Variants in SRSF7 observed in about 807,000 individuals in gnomAD.
SRSF7 encodes serine and arginine rich splicing factor 7.
SRSF7 carries 15 observed loss-of-function variants against 42.2 expected under a neutral mutation model. The ratio of observed to expected loss-of-function variants is 0.36; its 90% CI spans 0.24 to 0.55. SRSF7 has a LOEUF of 0.55. Among genes scored for constraint, SRSF7 ranks in the 20% least tolerant of loss-of-function variants. SRSF7 has a pLI of 0.88. For synonymous variants in SRSF7, 138 were observed against 107.9 expected (o/e 1.28, Z -1.73); for missense variants, 181 against 305.9 (o/e 0.59, Z 3.04).
chr2:38,745,464 G>A (rs1022891221), intron 7 of SRSF7, among the ~76,000 whole-genome samples: 11 of 151,582 alleles, frequency 7.3e-5, no homozygotes, highest in African/African-American at 2.4e-4. Context: ...GACCAACCTC[G>A]CCAACATGGT....
At chr2:38,747,852 C>A (rs1398626063) in intron 5 of SRSF7, among the ~76,000 whole-genome samples, 195 bp downstream of exon 5, 1 of 152,200 alleles carries the variant, frequency 6.6e-6, no homozygotes, top group African/African-American at 2.4e-5. Flanking sequence ...GCCTAACAAG[C>A]CTTAAAATCT....
rs774609170 is a variant in SRSF7 at position 38,747,088 on chromosome 2, T to A, written c.573-341A>T. The A allele has an allele frequency of 4.5e-5, 22 of 488,892 alleles. 1 individual carries two copies. Among genetic ancestry groups the A allele is most frequent in the South Asian group, 3.4e-4 (22 of 64,736 alleles). 30.3% of individuals were successfully genotyped at this position (488,892 alleles called of 1,614,324 possible). ...TCACTTAAGGCACAGATCCCTCAGC[T>A]GGGCACTGTGGTACACAATGGCAGT... is the stretch of plus-strand genomic sequence containing the variant. On this transcript the variant is annotated intron_variant, in intron 5 of 7. Coordinates refer to ENST00000313117, the MANE Select transcript of SRSF7 (RefSeq NM_001031684.3).
Position 38,746,629 on chromosome 2 carries a change from C to T in SRSF7, c.626+65G>A, listed in dbSNP as rs551074822. On this transcript the variant is annotated intron_variant, in intron 6 of 7. Coordinates refer to ENST00000313117, the MANE Select transcript of SRSF7 (RefSeq NM_001031684.3). Reference sequence around the variant, plus strand: ...CACTTAAAATTTCAACAATTAAAAACACTTTGAACTCTTTGGATATTGGTG... The same window carrying T: ...CACTTAAAATTTCAACAATTAAAAATACTTTGAACTCTTTGGATATTGGTG... The T allele has an allele frequency of 6.9e-6, 11 of 1,597,898 alleles. No homozygotes were observed. The African/African-American group carries it at 1.5e-4, about 22-fold the overall frequency.
intron 7 of SRSF7, 148 bp from the exon 8 acceptor site, chr2:38,745,335 T>C (rs1667204037): frequency 2.5e-6 from 2 of 810,828 alleles, no homozygotes; most frequent in Admixed American, 5.0e-5. Context: ...TTACATATAT[T>C]CATCTTTTGT....
chr2:38,750,517 G>A (rs575603447), intron 1 of SRSF7, among the ~76,000 whole-genome samples: 1 of 151,634 alleles, frequency 6.6e-6, no homozygotes, highest in East Asian at 2.0e-4. Flanking sequence ...CGGGCGCACC[G>A]GGAGCGCGCG....
intron 1 of SRSF7, chr2:38,750,927 G>T (rs994221776): frequency 1.0e-5 from 4 of 384,322 alleles, no homozygotes; most frequent in Non-Finnish European, 2.0e-5. Flanking sequence ...CGAGGGCGGG[G>T]GGGGAGGGGG....
At chr2:38,749,343 A>T in intron 3 of SRSF7, 186 bp downstream of exon 3, 1 of 1,534,044 alleles carries the variant, frequency 6.5e-7, no homozygotes, top group Non-Finnish European at 8.8e-7. Context: ...TCAAACGAAG[A>T]AACCTGAAAG....
chr2:38,745,294 C>T (rs1667199187), intron 7 of SRSF7, 107 bp from the exon 8 acceptor site: 3 of 1,147,156 alleles, frequency 2.6e-6, no homozygotes. Context: ...TACTAATTTC[C>T]TATAGCAAAG....
chr2:38,749,434 T>A (rs759652576), intron 3 of SRSF7, 95 bp downstream of exon 3: 226 of 1,558,432 alleles, frequency 1.5e-4, no homozygotes, highest in Non-Finnish European at 1.7e-4. Context: ...ACAATTAACA[T>A]TCAAGTTTAT....
At chr2:38,746,275 T>A in intron 6 of SRSF7, 96 bp from the exon 7 acceptor site, 1 of 1,385,610 alleles carries the variant, frequency 7.2e-7, no homozygotes, top group Non-Finnish European at 1.0e-6. Context: ...GTCCTAAGCT[T>A]AAAATGTCAG....
intron 7 of SRSF7, among the ~76,000 whole-genome samples, chr2:38,745,822 TC>T (rs922643607): frequency 3.9e-5 from 6 of 152,190 alleles, no homozygotes; most frequent in African/African-American, 1.4e-4. Flanking sequence ...GGTAACTATT[TC>T]CAAGACTTTT....
Position 38,746,747 on chromosome 2 carries a change from T to C in SRSF7, c.573A>G (p.Gln191=). 1.2e-6 allele frequency: 2 copies of C among 1,613,360 alleles called. No individual in the cohort carries two copies. Among genetic ancestry groups the C allele is most frequent in the Admixed American group, 1.7e-5 (1 of 59,864 alleles). ...SGSIKGSRYF[Q]SPSRSRSRSR... Reference sequence around the variant, plus strand: ...ATCTTGATCTTGACCTCGACGGGGATCTTAATAAAAAAAGTGAAAAACACA... The same window carrying C: ...ATCTTGATCTTGACCTCGACGGGGACCTTAATAAAAAAAGTGAAAAACACA... Residue 191 remains glutamine (Q), a splice_region_variant and synonymous_variant, in exon 6 of 8, where the codon CAA becomes CAG. Coordinates refer to ENST00000313117, the MANE Select transcript of SRSF7 (RefSeq NM_001031684.3).
chr2:38,743,620 A>T lies in SRSF7; in HGVS notation c.*1513T>A, dbSNP rs1476105652. On this transcript the variant is annotated 3_prime_UTR_variant, in exon 8 of 8. Transcript: ENST00000313117. ...AGGATTATTTGTTCAATCTCTGCAGATTTATTGTTGAGTAAACTTATCTTT... is the reference window on the plus strand; with the variant it reads ...AGGATTATTTGTTCAATCTCTGCAGTTTTATTGTTGAGTAAACTTATCTTT... 6.6e-6 allele frequency: 1 copy of T among 152,634 alleles called. No individual in the cohort carries two copies. Among genetic ancestry groups the T allele is most frequent in the South Asian group, 2.1e-4 (1 of 4,836 alleles). The allele number at this position is 152,634 out of a possible 1,614,324, so 9.5% of individuals were successfully genotyped here.
Position 38,748,523 on chromosome 2 carries a change from G to T in SRSF7, c.461+56C>A. Reference sequence around the variant, plus strand: ...AAAATAATGAGCTTTTTCTGTGTTGGACTACCAGTGAATTTAATAATAATA... The same window carrying T: ...AAAATAATGAGCTTTTTCTGTGTTGTACTACCAGTGAATTTAATAATAATA... On this transcript the variant is annotated intron_variant, in intron 4 of 7. Transcript: ENST00000313117. 3 of 1,541,002 alleles carry T rather than the reference G, an allele frequency of 1.9e-6. No homozygotes were observed. The South Asian group carries it at 3.3e-5, about 17-fold the overall frequency.
intron 1 of SRSF7, among the ~76,000 whole-genome samples, chr2:38,750,440 C>T (rs1668122405): frequency 6.6e-6 from 1 of 151,886 alleles, no homozygotes; most frequent in Non-Finnish European, 1.5e-5. Flanking sequence ...AGCAGAAACG[C>T]GTGGTAGGAT....
chr2:38,749,738 T>TA (rs1667995766), intron 2 of SRSF7, 33 bp from the exon 3 acceptor site: 1 of 1,504,596 alleles, frequency 6.6e-7, no homozygotes, highest in African/African-American at 1.4e-5. Flanking sequence ...ATTCTAAAGT[T>TA]AAAAATATAT....
In SRSF7 at chr2:38,748,114, G is replaced by A; in HGVS notation, c.505C>T (p.Arg169Cys). 15 of 1,613,704 alleles carry A rather than the reference G, an allele frequency of 9.3e-6. No homozygotes were observed. Among genetic ancestry groups the A allele is most frequent in the Non-Finnish European group, 1.3e-5 (15 of 1,179,890 alleles). Residue 169 changes from arginine (R) to cysteine (C), a missense_variant, in exon 5 of 8, where the codon CGT (arginine) becomes TGT (cysteine). Physicochemically the swap from Arg to Cys is radical, Grantham distance 180 (BLOSUM62 -3). Transcript: ENST00000313117. ...SPRRSRSISL[R>C]RSRSASLRRS... ...CTGAGTGAAGCTGATCTTGATCTAC[G>A]AAGAGAGATAGATCTTGATCGTCGA...
At chr2:38,750,929 G>A in intron 1 of SRSF7, 1 of 384,462 alleles carries the variant, frequency 2.6e-6, no homozygotes, top group South Asian at 2.9e-5. Context: ...AGGGCGGGGG[G>A]GGAGGGGGGC....
chr2:38,746,069 CA>C, intron 7 of SRSF7, 74 bp downstream of exon 7: 1 of 1,496,310 alleles, frequency 6.7e-7, no homozygotes, highest in Non-Finnish European at 9.3e-7. Context: ...TCAAAGACTG[CA>C]AAGCAGTAAG....
Sources: gnomAD v4.1 joint callset for allele counts (sites outside exome capture counted in the v4.1 genomes callset) on GRCh38, gnomAD v4.1.1 for gene constraint, MANE v1.5 for transcripts, NCBI Gene and HGNC (gene_info 2026-07-23, HGNC 2026-07-21) for gene names.